The following CMSS1 variants were observed in gnomAD, a reference collection of about 807,000 sequenced individuals.
CMSS1 encodes cms1 ribosomal small subunit homolog.
A neutral mutation model predicts 43.5 loss-of-function variants in CMSS1; 33 were observed. That is an observed-to-expected ratio of 0.76 (90% confidence interval 0.57 to 1.01). The LOEUF is 1.01. Ranked by LOEUF, CMSS1 falls within the 50% of genes least tolerant of loss-of-function variation. CMSS1 has a pLI of 0.00. For missense variants in CMSS1, 313 were observed against 326.4 expected (o/e 0.96, Z 0.32); for synonymous variants, 115 against 117.2 (o/e 0.98, Z 0.12).
chr3:99,963,494 T>TAGAAGGATAA, intron 1 of CMSS1, among the ~76,000 whole-genome samples: 1 of 152,152 alleles, frequency 6.6e-6, no homozygotes, highest in South Asian at 2.1e-4. Flanking sequence ...AGCAACTGCT[T>TAGAAGGATAA]GAAAGTATTA....
intron 1 of CMSS1, among the ~76,000 whole-genome samples, chr3:100,061,710 C>T (rs931839881): frequency 3.3e-5 from 5 of 152,148 alleles, no homozygotes; most frequent in African/African-American, 1.2e-4. Context: ...CTCACTACCT[C>T]CGAGGTGCAT....
intron 1 of CMSS1, among the ~76,000 whole-genome samples, chr3:99,973,316 G>T (rs1035900772): frequency 1.3e-5 from 2 of 152,154 alleles, no homozygotes; most frequent in African/African-American, 4.8e-5. Context: ...TAAGAACACT[G>T]ATTTTCTGTG....
At chr3:99,846,575 G>T (rs1246548196) in intron 1 of CMSS1, among the ~76,000 whole-genome samples, 1 of 152,148 alleles carries the variant, frequency 6.6e-6, no homozygotes, top group African/African-American at 2.4e-5. Context: ...TAAGATAAAT[G>T]TGTTTAAACA....
chr3:100,142,686 T>A (rs2066814916), intron 1 of CMSS1, among the ~76,000 whole-genome samples: 2 of 152,204 alleles, frequency 1.3e-5, no homozygotes, highest in Admixed American at 1.3e-4. Context: ...TTTTAAACAT[T>A]TATGGGGCTG....
chr3:100,103,915 A>G (rs1045064748), intron 1 of CMSS1, among the ~76,000 whole-genome samples: 1 of 152,198 alleles, frequency 6.6e-6, no homozygotes, highest in Non-Finnish European at 1.5e-5. Context: ...AATAAGAATC[A>G]TGAGCACGGG....
At chr3:99,865,254 C>T (rs1477207343) in intron 1 of CMSS1, among the ~76,000 whole-genome samples, 1 of 152,138 alleles carries the variant, frequency 6.6e-6, no homozygotes, top group African/African-American at 2.4e-5. Flanking sequence ...GTTAATTTGC[C>T]ACAGGTCCTG....
In CMSS1 at chr3:100,022,386, T is replaced by C. The variant is rs113097300; in HGVS notation, c.65-124587T>C. On this transcript the variant is annotated intron_variant, in intron 1 of 9. Transcript: ENST00000421999. ...TCATTCTAGTTCCACTGTCTCTGCC[T>C]TCATGCTTGTTACGGCACAACTCTG... 2.1e-3 allele frequency among the ~76,000 whole-genome samples: 325 copies of C among 152,340 alleles called. 2 individuals carry two copies. The highest frequency in any genetic ancestry group is 7.1e-3 in the Admixed American group (109 of 15,294).
chr3:100,053,819 A>G (rs1484389359), intron 1 of CMSS1, among the ~76,000 whole-genome samples: 1 of 152,204 alleles, frequency 6.6e-6, no homozygotes, highest in Non-Finnish European at 1.5e-5. Context: ...CTGCCACAAC[A>G]CATGCTGAGT....
At chr3:100,009,961 G>A (rs1710096955) in intron 1 of CMSS1, among the ~76,000 whole-genome samples, 1 of 152,108 alleles carries the variant, frequency 6.6e-6, no homozygotes, top group African/African-American at 2.4e-5. Context: ...TCTAACATTA[G>A]TTACTGTTTC....
rs146711518 is a variant in CMSS1 at position 100,017,185 on chromosome 3, G to A, written c.65-129788G>A. On this transcript the variant is annotated intron_variant, in intron 1 of 9. Coordinates refer to ENST00000421999, the MANE Select transcript of CMSS1 (RefSeq NM_032359.4). The stretch of plus-strand genomic sequence containing the variant: ...AAAATATCTGATCAAGTATATGTCT[G>A]TATCTGATTATCAATTAAGCTGAAA... 2.0e-5 allele frequency among the ~76,000 whole-genome samples: 3 copies of A among 152,286 alleles called. No homozygotes were observed. In the East Asian group the frequency reaches 5.8e-4, roughly 29 times the overall value.
intron 1 of CMSS1, among the ~76,000 whole-genome samples, chr3:100,067,113 A>T (rs547354378): frequency 1.3e-5 from 2 of 152,140 alleles, no homozygotes; most frequent in Middle Eastern, 3.2e-3. Context: ...GGCACCAGTC[A>T]CCTAGAATAC....
chr3:100,020,581 A>C (rs115213344), intron 1 of CMSS1, among the ~76,000 whole-genome samples: 2,123 of 152,230 alleles, frequency 0.014, 41 homozygotes, highest in African/African-American at 0.045. Context: ...CTTTTGCCAT[A>C]AGCTAAAAGG....
chr3:100,054,276 T>C (rs939992384), intron 1 of CMSS1, among the ~76,000 whole-genome samples: 1 of 152,174 alleles, frequency 6.6e-6, no homozygotes, highest in Non-Finnish European at 1.5e-5. Flanking sequence ...TGATGGTTTT[T>C]TGAAAGAACA....
intron 1 of CMSS1, among the ~76,000 whole-genome samples, chr3:99,886,426 C>G (rs1490839973): frequency 1.3e-5 from 2 of 150,894 alleles, no homozygotes; most frequent in Non-Finnish European, 2.9e-5. Context: ...AAAAAAAAAT[C>G]GGAAAAAAAA....
chr3:99,878,698 A>G (rs768591203), intron 1 of CMSS1, among the ~76,000 whole-genome samples: 6 of 152,212 alleles, frequency 3.9e-5, no homozygotes, highest in Non-Finnish European at 7.4e-5. Flanking sequence ...ATCTTGTTCT[A>G]GTAAAATTAG....
chr3:99,963,129 T>A (rs939722133), intron 1 of CMSS1, among the ~76,000 whole-genome samples: 6 of 152,188 alleles, frequency 3.9e-5, no homozygotes, highest in African/African-American at 9.7e-5. Flanking sequence ...ATAATTAGGA[T>A]AACAGTGCAC....
intron 1 of CMSS1, among the ~76,000 whole-genome samples, chr3:100,053,925 G>C (rs1484938867): frequency 1.3e-5 from 2 of 152,178 alleles, no homozygotes; most frequent in African/African-American, 4.8e-5. Context: ...TTGCATCCAA[G>C]TGTTTCCAAG....
chr3:99,865,178 A>G (rs1944453044), intron 1 of CMSS1, among the ~76,000 whole-genome samples: 1 of 152,188 alleles, frequency 6.6e-6, no homozygotes, highest in African/African-American at 2.4e-5. Flanking sequence ...TTAGTCCTGC[A>G]AACAGTCATA....
At chr3:99,865,102 A>G (rs191824929) in intron 1 of CMSS1, among the ~76,000 whole-genome samples, 21 of 152,362 alleles carry the variant, frequency 1.4e-4, no homozygotes, top group African/African-American at 4.8e-4. Flanking sequence ...GACATATAGT[A>G]GGCCCTCCTC....
Sources: gnomAD v4.1 joint callset for allele counts (sites outside exome capture counted in the v4.1 genomes callset) on GRCh38, gnomAD v4.1.1 for gene constraint, MANE v1.5 for transcripts, NCBI Gene and HGNC (gene_info 2026-07-23, HGNC 2026-07-21) for gene names.